The following FMO5 variants were observed in gnomAD, a reference collection of about 807,000 sequenced individuals.
The protein encoded by FMO5 is flavin-containing monooxygenase 5.
Under a neutral mutation model 43.6 loss-of-function variants are expected in FMO5, and 51 were observed. The ratio of observed to expected loss-of-function variants is 1.17; its 90% confidence interval spans 0.93 to 1.48. The LOEUF is 1.48. Ranked by LOEUF, FMO5 falls within the 40% of genes most tolerant of loss-of-function variation. FMO5 has a pLI of 0.00. For synonymous variants in FMO5, 187 were observed against 216.5 expected (o/e 0.86, Z 1.20); for missense variants, 644 against 643.0 (o/e 1.00, Z -0.02).
intron 6 of FMO5, chr1:147,203,359 A>G: frequency 7.8e-7 from 1 of 1,277,544 alleles, no homozygotes; most frequent in Non-Finnish European, 1.1e-6. Context: ...TACCTGACCC[A>G]CTCTAAGTAC....
At chr1:147,216,002 C>A in intron 2 of FMO5, 60 bp from the exon 3 acceptor site, 1 of 1,309,514 alleles carries the variant, frequency 7.6e-7, no homozygotes, top group Non-Finnish European at 1.1e-6. Context: ...TTTATAATAG[C>A]CAATAGACAT....
At chr1:147,223,316 G>A (rs1663389360) in intron 2 of FMO5, among the ~76,000 whole-genome samples, 1 of 152,214 alleles carries the variant, frequency 6.6e-6, no homozygotes, top group African/African-American at 2.4e-5. Context: ...ATCCACTCCA[G>A]ATCTGAATAA....
At chr1:147,193,558 G>T (rs1213031674) in intron 7 of FMO5, among the ~76,000 whole-genome samples, 1 of 152,054 alleles carries the variant, frequency 6.6e-6, no homozygotes, top group Non-Finnish European at 1.5e-5. Context: ...GCTTTTGAAT[G>T]TGTTTGCTCT....
chr1:147,225,577 C>G (rs587646319), upstream of FMO5: 267 of 155,332 alleles, frequency 1.7e-3, 2 homozygotes, highest in African/African-American at 6.2e-3. Context: ...CAATTACTTT[C>G]TCTGAAACCC....
At chr1:147,214,511 C>A (rs1452744026) in intron 3 of FMO5, among the ~76,000 whole-genome samples, 1 of 151,646 alleles carries the variant, frequency 6.6e-6, no homozygotes, top group Non-Finnish European at 1.5e-5. Context: ...CACTAGCAAT[C>A]CAGCACTATT....
chr1:147,212,308 A>T (rs781823245), intron 5 of FMO5, 85 bp downstream of exon 5: 2 of 1,406,484 alleles, frequency 1.4e-6, no homozygotes, highest in Non-Finnish European at 2.0e-6. Flanking sequence ...AGGTATCCCT[A>T]TTCTCTGTTG....
chr1:147,185,849 T>C (rs587679875), downstream of FMO5, among the ~76,000 whole-genome samples: 4 of 152,338 alleles, frequency 2.6e-5, no homozygotes, highest in East Asian at 5.8e-4. Context: ...CACTGGGATG[T>C]AAACCCAAGT....
chr1:147,195,204 T>C (rs1481514489), intron 7 of FMO5, among the ~76,000 whole-genome samples: 1 of 152,162 alleles, frequency 6.6e-6, no homozygotes, highest in Non-Finnish European at 1.5e-5. Flanking sequence ...GCTTTGTTCG[T>C]TTCTTTTTAT....
chr1:147,199,118 A>C (rs1160396143), intron 7 of FMO5, among the ~76,000 whole-genome samples: 1 of 152,192 alleles, frequency 6.6e-6, no homozygotes, highest in Non-Finnish European at 1.5e-5. Context: ...TCTAGAAAAG[A>C]GTAGAATATT....
At chr1:147,215,971 A>T (rs1386250527) in intron 2 of FMO5, 29 bp from the exon 3 acceptor site, 3 of 1,526,046 alleles carry the variant, frequency 2.0e-6, no homozygotes, top group Non-Finnish European at 2.7e-6. Flanking sequence ...ATTCATAGCA[A>T]CTTGAGGATC....
intron 6 of FMO5, among the ~76,000 whole-genome samples, chr1:147,205,855 G>T (rs2101883697): frequency 6.6e-6 from 1 of 152,106 alleles, no homozygotes; most frequent in South Asian, 2.1e-4. Context: ...CATAGGCATG[G>T]GCAAGGACTT....
chr1:147,187,303 A>G, intron 8 of FMO5, 58 bp from the exon 9 acceptor site: 2 of 1,288,346 alleles, frequency 1.6e-6, no homozygotes, highest in African/African-American at 3.0e-5. Flanking sequence ...TCAGTCAATC[A>G]ATTACTGCCT....
At position 147,186,613 on chromosome 1, in the gene FMO5, T is replaced by A; in HGVS notation, c.*287A>T. On this transcript the variant is annotated 3_prime_UTR_variant, in exon 9 of 9. Coordinates refer to ENST00000254090, the MANE Select transcript of FMO5 (RefSeq NM_001461.4). Reference sequence around the variant, plus strand: ...ACATTTATTAAGCACCTACCACATGTCAAGAACTCTGCTAAAGACATACAA... The same window carrying A: ...ACATTTATTAAGCACCTACCACATGACAAGAACTCTGCTAAAGACATACAA... 1 of 1,118,370 alleles carries A rather than the reference T, an allele frequency of 8.9e-7. No individual in the cohort carries two copies. Among genetic ancestry groups the A allele is most frequent in the Non-Finnish European group, 1.1e-6 (1 of 913,996 alleles). The allele number at this position is 1,118,370 out of a possible 1,614,324, so 69.3% of individuals were successfully genotyped here. A position where few individuals can be genotyped will look rare whatever the true frequency, so the allele number is the denominator to read the frequency against.
At chr1:147,192,332 G>A (rs1657031679) in intron 7 of FMO5, among the ~76,000 whole-genome samples, 2 of 152,014 alleles carry the variant, frequency 1.3e-5, no homozygotes, top group Non-Finnish European at 2.9e-5. Context: ...TGGTGTATAA[G>A]ACTGCTTGTG....
intron 7 of FMO5, among the ~76,000 whole-genome samples, chr1:147,193,944 C>G (rs1657425966): frequency 6.6e-6 from 1 of 151,802 alleles, no homozygotes; most frequent in African/African-American, 2.4e-5. Flanking sequence ...ATCAATTTTG[C>G]AATAGGTGTG....
chr1:147,227,053 T>G (rs1249354851), upstream of FMO5, among the ~76,000 whole-genome samples: 2 of 152,196 alleles, frequency 1.3e-5, no homozygotes, highest in African/African-American at 2.4e-5. Context: ...GGTCTTGAAC[T>G]CCTGGGCTCA....
At chr1:147,219,840 CTTTTTTTT>C (rs71083821) in intron 2 of FMO5, among the ~76,000 whole-genome samples, 1 of 132,898 alleles carries the variant, frequency 7.5e-6, no homozygotes. Flanking sequence ...ATGTTAATTG[CTTTTTTTT>C]TTTTTTTTGA....
chr1:147,207,510 T>C (rs1660304063), intron 6 of FMO5, among the ~76,000 whole-genome samples: 12 of 152,228 alleles, frequency 7.9e-5, no homozygotes, highest in Admixed American at 5.9e-4. Flanking sequence ...ATTTCTTCAT[T>C]ATAATCTGTC....
chr1:147,216,073 G>C, intron 2 of FMO5, 131 bp from the exon 3 acceptor site: 2 of 635,772 alleles, frequency 3.1e-6, no homozygotes, highest in Non-Finnish European at 5.4e-6. Flanking sequence ...CAGTATTTGT[G>C]CCCTTATGTA....
Sources: allele counts gnomAD v4.1 joint callset (sites outside exome capture counted in the v4.1 genomes callset), GRCh38; gene constraint gnomAD v4.1.1; transcripts MANE v1.5; gene names NCBI Gene and HGNC (gene_info 2026-07-23, HGNC 2026-07-21).